The following ERBIN variants were observed in gnomAD, a reference collection of about 807,000 sequenced individuals.
The protein encoded by ERBIN is erbb2 interacting protein.
In ERBIN, 60 loss-of-function variants were observed where a neutral mutation model predicts 158.4. The observed-to-expected ratio is 0.38, with a 90% confidence interval of 0.31 to 0.47. ERBIN has a LOEUF of 0.47. Among genes scored for constraint, ERBIN ranks in the 20% least tolerant of loss-of-function variants. The probability of loss-of-function intolerance (pLI) is 0.99; values close to 1 mark genes in which losing one functional copy is unlikely to be tolerated. For missense variants in ERBIN, 1,610 were observed against 1,648.0 expected (o/e 0.98, Z 0.40); for synonymous variants, 594 against 557.2 (o/e 1.07, Z -0.93).
chr5:65,965,379 G>GTT (rs1561304820), intron 1 of ERBIN, among the ~76,000 whole-genome samples: 6 of 103,650 alleles, frequency 5.8e-5, no homozygotes, highest in Admixed American at 3.6e-4. Flanking sequence ...TTTGTTTTTT[G>GTT]TTGTTTTTTT....
chr5:65,992,937 CTT>C, intron 3 of ERBIN, 30 bp downstream of exon 3: 2 of 1,456,506 alleles, frequency 1.4e-6, no homozygotes, highest in South Asian at 2.8e-5. Flanking sequence ...CAAGAATTAT[CTT>C]TGGTTATTTT....
At position 66,046,465 on chromosome 5, in the gene ERBIN, G is replaced by C; in HGVS notation, c.1715G>C (p.Ser572Thr). ...SEPEAEISPGSLPVTANMKAS... is the reference protein window; with the variant it reads ...SEPEAEISPGTLPVTANMKAS... The stretch of plus-strand genomic sequence containing the variant: ...CCTGAAGCTGAGATTAGTCCTGGGA[G>C]TTTACCAGTGACTGCAAATATGAAA... The change falls in exon 18 of 26, where the codon AGT becomes ACT. Residue 572 changes from serine to threonine, a missense_variant. Transcript: ENST00000284037. 6.2e-7 allele frequency: 1 copy of C among 1,611,778 alleles called. No individual in the cohort carries two copies. The highest frequency in any genetic ancestry group is 8.5e-7 in the Non-Finnish European group (1 of 1,178,568).
chr5:66,044,669 G>A (rs529555800), intron 17 of ERBIN, among the ~76,000 whole-genome samples: 17 of 152,226 alleles, frequency 1.1e-4, no homozygotes, highest in African/African-American at 4.1e-4. Context: ...GGAGGCTGAG[G>A]CAGGAGAATC....
intron 1 of ERBIN, among the ~76,000 whole-genome samples, chr5:65,964,997 G>T (rs540897949): frequency 1.4e-5 from 2 of 145,052 alleles, no homozygotes; most frequent in African/African-American, 2.6e-5. Flanking sequence ...CACTATGTTG[G>T]CCAGGCTGGT....
intron 1 of ERBIN, among the ~76,000 whole-genome samples, chr5:65,971,152 TA>T (rs1749202164): frequency 6.6e-6 from 1 of 152,134 alleles, no homozygotes; most frequent in Admixed American, 6.6e-5. Context: ...GTTTTGATGA[TA>T]AATCTAAATT....
At chr5:65,997,141 C>T (rs1752526216) in intron 4 of ERBIN, among the ~76,000 whole-genome samples, 1 of 152,074 alleles carries the variant, frequency 6.6e-6, no homozygotes, top group African/African-American at 2.4e-5. Context: ...TTAAGTACAA[C>T]GTTGAAAAGA....
At chr5:65,978,772 G>A (rs1750320547) in intron 1 of ERBIN, among the ~76,000 whole-genome samples, 2 of 152,184 alleles carry the variant, frequency 1.3e-5, no homozygotes, top group African/African-American at 2.4e-5. Context: ...GTCTGTCCCT[G>A]TTACATTTTG....
chr5:65,943,097 C>G (rs906170346), intron 1 of ERBIN, among the ~76,000 whole-genome samples: 4 of 152,080 alleles, frequency 2.6e-5, no homozygotes, highest in African/African-American at 9.7e-5. Flanking sequence ...TAGCTAAAGT[C>G]TATTGTTTAT....
Position 65,926,793 on chromosome 5 carries a change from T to A in ERBIN, c.-71T>A, listed in dbSNP as rs1320519021. Reference sequence around the variant, plus strand: ...CCTTGAAAAAGCTGCCCTGAGACGGTGTCCCGCCGAAAGGTAATTTTCACG... The same window carrying A: ...CCTTGAAAAAGCTGCCCTGAGACGGAGTCCCGCCGAAAGGTAATTTTCACG... On this transcript the variant is annotated 5_prime_UTR_variant, in exon 1 of 26. Coordinates refer to ENST00000284037, the MANE Select transcript of ERBIN (RefSeq NM_001253697.2). 1 of 151,588 alleles carries A rather than the reference T, an allele frequency of 6.6e-6. No individual in the cohort carries two copies. The highest frequency in any genetic ancestry group is 2.0e-4 in the East Asian group (1 of 5,026). 9.4% of individuals were successfully genotyped at this position (151,588 alleles called of 1,614,324 possible). A position where few individuals can be genotyped will look rare whatever the true frequency, so the allele number is the denominator to read the frequency against.
chr5:65,946,667 G>A (rs1032320268), intron 1 of ERBIN, among the ~76,000 whole-genome samples: 1 of 152,108 alleles, frequency 6.6e-6, no homozygotes, highest in Admixed American at 6.5e-5. Flanking sequence ...TGATTGCTGC[G>A]GTGTATCGGA....
chr5:66,007,941 A>T (rs555583571), intron 4 of ERBIN, among the ~76,000 whole-genome samples: 14 of 152,190 alleles, frequency 9.2e-5, no homozygotes, highest in Middle Eastern at 3.2e-3. Flanking sequence ...GTCAGACTAA[A>T]CACATTGCTA....
At chr5:66,009,400 A>C (rs1485931546) in intron 4 of ERBIN, among the ~76,000 whole-genome samples, 3 of 152,252 alleles carry the variant, frequency 2.0e-5, no homozygotes, top group Non-Finnish European at 1.5e-5. Flanking sequence ...AGTGAAATTC[A>C]GCAAACATTT....
chr5:65,981,720 G>A (rs1360234931), intron 1 of ERBIN, among the ~76,000 whole-genome samples: 11 of 152,038 alleles, frequency 7.2e-5, no homozygotes, highest in African/African-American at 2.4e-4. Context: ...GGCTTAAAAC[G>A]ATAGCAGTTG....
intron 14 of ERBIN, among the ~76,000 whole-genome samples, chr5:66,037,204 T>C (rs1345437010): frequency 6.6e-6 from 1 of 152,128 alleles, no homozygotes; most frequent in Non-Finnish European, 1.5e-5. Context: ...TATGTTGAAT[T>C]ACTCGTGACT....
At position 65,940,427 on chromosome 5, in the gene ERBIN, C is replaced by A. The variant is rs1226435767; in HGVS notation, c.-58+13621C>A. Among the ~76,000 whole-genome samples the A allele has an allele frequency of 4.4e-3, 607 of 139,036 alleles. 18 individuals are homozygous for A. The highest frequency in any genetic ancestry group is 0.034 in the Admixed American group (500 of 14,500). The allele number at this position is 139,036 out of a possible 152,430, so 91.2% of individuals were successfully genotyped here. On this transcript the variant is annotated intron_variant, in intron 1 of 25. Coordinates refer to ENST00000284037, the MANE Select transcript of ERBIN (RefSeq NM_001253697.2). ...TCCGGGAGGGAGGTGGGGGGGTCAG[C>A]CCCCCGCCCGGCCAGCTGCCCCGTC...
At chr5:66,053,110 T>C (rs1759206273) in intron 20 of ERBIN, among the ~76,000 whole-genome samples, 1 of 150,086 alleles carries the variant, frequency 6.7e-6, no homozygotes, top group East Asian at 1.9e-4. Context: ...AAAATTTTAT[T>C]CATAGTTCAG....
chr5:66,046,642 G>A, intron 18 of ERBIN, 104 bp downstream of exon 18: 2 of 926,986 alleles, frequency 2.2e-6, no homozygotes, highest in Admixed American at 2.7e-5. Flanking sequence ...ATATGTTAAT[G>A]CATTCATCAT....
intron 17 of ERBIN, among the ~76,000 whole-genome samples, chr5:66,045,071 A>G (rs1305205047): frequency 6.6e-6 from 1 of 151,984 alleles, no homozygotes; most frequent in Non-Finnish European, 1.5e-5. Context: ...TTTAAAAATT[A>G]TCTGGGCATG....
At chr5:66,014,922 G>A (rs979248567) in intron 7 of ERBIN, among the ~76,000 whole-genome samples, 197 bp downstream of exon 7, 2 of 152,138 alleles carry the variant, frequency 1.3e-5, no homozygotes, top group Non-Finnish European at 2.9e-5. Flanking sequence ...GTGGTACTGT[G>A]TTGGTAATGA....
Sources: allele counts gnomAD v4.1 joint callset (sites outside exome capture counted in the v4.1 genomes callset), GRCh38; gene constraint gnomAD v4.1.1; transcripts MANE v1.5; gene names NCBI Gene and HGNC (gene_info 2026-07-23, HGNC 2026-07-21).